STIM2: variants seen among roughly 807,000 people sequenced by gnomAD.
STIM2 encodes the protein stromal interaction molecule 2.
STIM2 carries 31 observed loss-of-function variants against 85.8 expected under a neutral mutation model. That is an observed-to-expected ratio of 0.36 (90% CI 0.27 to 0.49). The LOEUF (loss-of-function observed/expected upper bound fraction) is 0.49. Ranked by LOEUF, STIM2 falls within the 20% of genes least tolerant of loss-of-function variation. The pLI, the probability that STIM2 is intolerant of heterozygous loss-of-function variation, is 0.98. For missense variants in STIM2, 841 were observed against 927.6 expected (o/e 0.91, Z 1.21); for synonymous variants, 356 against 331.1 (o/e 1.08, Z -0.82).
At chr4:26,946,711 C>T (rs1177860619) in intron 2 of STIM2, among the ~76,000 whole-genome samples, 2 of 152,268 alleles carry the variant, frequency 1.3e-5, no homozygotes, top group East Asian at 3.9e-4. Flanking sequence ...GCTTTATATC[C>T]CTTAATCTTT....
At chr4:27,011,385 C>T (rs976513025) in intron 10 of STIM2, among the ~76,000 whole-genome samples, 9 of 152,072 alleles carry the variant, frequency 5.9e-5, no homozygotes, top group African/African-American at 1.7e-4. Flanking sequence ...ATAGTTTATC[C>T]GTTTTTCTAC....
chr4:27,021,131 C>A, intron 11 of STIM2: 1 of 1,404,644 alleles, frequency 7.1e-7, no homozygotes, highest in Non-Finnish European at 9.7e-7. Flanking sequence ...ATTCACCCAC[C>A]CTTCCATTCA....
chr4:26,884,174 A>C (rs2109038725), intron 1 of STIM2, among the ~76,000 whole-genome samples: 1 of 152,324 alleles, frequency 6.6e-6, no homozygotes, highest in African/African-American at 2.4e-5. Flanking sequence ...GTTCCTGCAA[A>C]CAGTCCTGAG....
Position 26,991,970 on chromosome 4 carries a change from G to A in STIM2, c.398-3409G>A, listed in dbSNP as rs189707121. 4.9e-4 allele frequency among the ~76,000 whole-genome samples: 74 copies of A among 152,148 alleles called. No homozygotes were observed. The East Asian group carries it at 9.7e-3, about 20-fold the overall frequency. Reference sequence around the variant, plus strand: ...GAAAGATACCTTTAAAAGGAATGGTGTATCTCTCTCTGCTTGCCCTCTGAT... The same window carrying A: ...GAAAGATACCTTTAAAAGGAATGGTATATCTCTCTCTGCTTGCCCTCTGAT... On this transcript the variant is annotated intron_variant, in intron 3 of 11. Coordinates refer to ENST00000467087, the MANE Select transcript of STIM2 (RefSeq NM_020860.4).
intron 1 of STIM2, among the ~76,000 whole-genome samples, chr4:26,893,588 T>C (rs1369779244): frequency 6.6e-6 from 1 of 152,234 alleles, no homozygotes; most frequent in Non-Finnish European, 1.5e-5. Flanking sequence ...TGACCTTTTA[T>C]GAACAGTACT....
chr4:26,953,730 T>G (rs1169517549), intron 2 of STIM2, among the ~76,000 whole-genome samples: 1 of 152,056 alleles, frequency 6.6e-6, no homozygotes, highest in Non-Finnish European at 1.5e-5. Context: ...TCTGTTCTCT[T>G]TCATTATTTT....
intron 2 of STIM2, among the ~76,000 whole-genome samples, chr4:26,928,331 T>C (rs867981390): frequency 6.6e-5 from 10 of 152,144 alleles, no homozygotes; most frequent in Middle Eastern, 3.4e-3. Context: ...ATATGAAAAA[T>C]AGCAGAAATC....
At chr4:27,018,887 G>T (rs1728822131) in intron 11 of STIM2, among the ~76,000 whole-genome samples, 1 of 152,154 alleles carries the variant, frequency 6.6e-6, no homozygotes, top group Admixed American at 6.5e-5. Context: ...GTTATGTGCT[G>T]GTACTTGCTA....
chr4:27,004,733 TATGA>T (rs1728275849), intron 7 of STIM2, among the ~76,000 whole-genome samples: 1 of 152,168 alleles, frequency 6.6e-6, no homozygotes, highest in Non-Finnish European at 1.5e-5. Context: ...GTATTATTGG[TATGA>T]ATAATCTCAT....
chr4:26,974,527 G>T (rs369523219), intron 3 of STIM2, among the ~76,000 whole-genome samples: 1 of 152,154 alleles, frequency 6.6e-6, no homozygotes, highest in East Asian at 1.9e-4. Context: ...GAAATTCTGG[G>T]TTCAAAATTC....
intron 1 of STIM2, among the ~76,000 whole-genome samples, chr4:26,870,626 C>G (rs187604561): frequency 9.2e-5 from 14 of 152,142 alleles, no homozygotes; most frequent in Non-Finnish European, 2.9e-5. Context: ...CTTTTTCACT[C>G]TTTTGTATAC....
chr4:26,927,791 T>G (rs923886637), intron 2 of STIM2, among the ~76,000 whole-genome samples: 2 of 133,272 alleles, frequency 1.5e-5, no homozygotes, highest in Admixed American at 8.1e-5. Flanking sequence ...ATAAAATATA[T>G]AAATATAATG....
At chr4:26,949,323 T>C (rs1049383480) in intron 2 of STIM2, among the ~76,000 whole-genome samples, 4 of 152,224 alleles carry the variant, frequency 2.6e-5, no homozygotes, top group Non-Finnish European at 5.9e-5. Flanking sequence ...TTTACTTTGG[T>C]ATGATCTGTC....
chr4:26,987,304 G>A (rs1577481229), intron 3 of STIM2, among the ~76,000 whole-genome samples: 1 of 152,146 alleles, frequency 6.6e-6, no homozygotes, highest in African/African-American at 2.4e-5. Flanking sequence ...TGACATGGTG[G>A]TGGGACCGAA....
In STIM2 at chr4:26,987,283, A is replaced by T. The variant is rs150011681; in HGVS notation, c.398-8096A>T. Among the ~76,000 whole-genome samples the T allele has an allele frequency of 2.0e-4, 30 of 152,278 alleles. No individual in the cohort carries two copies. In the East Asian group the frequency reaches 5.8e-3, roughly 29 times the overall value. On this transcript the variant is annotated intron_variant, in intron 3 of 11. Coordinates refer to ENST00000467087, the MANE Select transcript of STIM2 (RefSeq NM_020860.4). Reference sequence around the variant, plus strand: ...AGTTTTCATCCCTTTTTAAGTGCTGATCCAAAATAGTGACATGGTGGTGGG... The same window carrying T: ...AGTTTTCATCCCTTTTTAAGTGCTGTTCCAAAATAGTGACATGGTGGTGGG...
chr4:26,954,074 G>GTA (rs1324609309), intron 2 of STIM2, among the ~76,000 whole-genome samples: 1 of 152,100 alleles, frequency 6.6e-6, no homozygotes, highest in Non-Finnish European at 1.5e-5. Flanking sequence ...TGGGAAAAGG[G>GTA]TATGGCCTGA....
At chr4:26,861,573 C>A in intron 1 of STIM2, 3 of 709,192 alleles carry the variant, frequency 4.2e-6, no homozygotes, top group Non-Finnish European at 5.8e-6. Flanking sequence ...CCTCGCCGAG[C>A]CTCTCGACGG....
chr4:26,887,073 G>A (rs1207933194), intron 1 of STIM2, among the ~76,000 whole-genome samples: 1 of 151,786 alleles, frequency 6.6e-6, no homozygotes, highest in Non-Finnish European at 1.5e-5. Context: ...AGACATAAAA[G>A]CTTATGCCTT....
chr4:26,862,941 A>G (rs552937561), intron 1 of STIM2, among the ~76,000 whole-genome samples: 47 of 152,338 alleles, frequency 3.1e-4, no homozygotes, highest in Non-Finnish European at 2.2e-4. Flanking sequence ...TCTAGAAGGT[A>G]TAAGTGGTTC....
Sources: allele counts gnomAD v4.1 joint callset (sites outside exome capture counted in the v4.1 genomes callset), GRCh38; gene constraint gnomAD v4.1.1; transcripts MANE v1.5; gene names NCBI Gene and HGNC (gene_info 2026-07-23, HGNC 2026-07-21).